The following RIT2 variants were observed in gnomAD, a reference collection of about 807,000 sequenced individuals.
The protein encoded by RIT2 is GTP-binding protein Rit2.
In RIT2, 24 loss-of-function variants were observed where a neutral mutation model predicts 23.7. The observed-to-expected ratio is 1.01, with a 90% CI of 0.73 to 1.43. The LOEUF (loss-of-function observed/expected upper bound fraction) is 1.43, where lower values mean the gene tolerates loss of function less well. Among genes scored for constraint, RIT2 ranks in the 40% most tolerant of loss-of-function variants. The probability of loss-of-function intolerance (pLI) is 0.00; values close to 1 mark genes in which losing one functional copy is unlikely to be tolerated. For missense variants in RIT2, 236 were observed against 266.9 expected (o/e 0.88, Z 0.81); for synonymous variants, 107 against 91.1 (o/e 1.17, Z -0.99).
chr18:42,748,236 C>T (rs569492619), intron 4 of RIT2, among the ~76,000 whole-genome samples: 25 of 151,114 alleles, frequency 1.7e-4, no homozygotes, highest in African/African-American at 3.9e-4. Flanking sequence ...GAAAGAAATC[C>T]GCAAGAAAAA....
chr18:42,920,761 C>G, intron 4 of RIT2: 1 of 1,591,854 alleles, frequency 6.3e-7, no homozygotes, highest in Non-Finnish European at 8.5e-7. Flanking sequence ...TCAGTGTAGG[C>G]TGATAAGGAA....
chr18:42,823,896 G>T (rs542466609), intron 4 of RIT2, among the ~76,000 whole-genome samples: 3 of 152,088 alleles, frequency 2.0e-5, no homozygotes, highest in Non-Finnish European at 2.9e-5. Context: ...CTGTTCAAGC[G>T]TGGGGAAGTT....
Position 43,033,844 on chromosome 18 carries a change from G to A in RIT2, c.127C>T (p.His43Tyr), listed in dbSNP as rs771120789. Reference sequence around the variant, plus strand: ...GGGTCATGATAATCAGGGAACTGATGACTAATAAACTGCATTGTCATTGCT... The same window carrying A: ...GGGTCATGATAATCAGGGAACTGATAACTAATAAACTGCATTGTCATTGCT... The part of the protein sequence containing the change: ...KSAMTMQFIS[H>Y]QFPDYHDPTI... The change falls in exon 2 of 5, where the codon CAT (histidine) becomes TAT (tyrosine). Residue 43 changes from histidine (H) to tyrosine (Y), a missense_variant. Coordinates refer to ENST00000326695, the MANE Select transcript of RIT2 (RefSeq NM_002930.4). The A allele has an allele frequency of 3.1e-6, 5 of 1,608,300 alleles. No homozygotes were observed. Among genetic ancestry groups the A allele is most frequent in the Non-Finnish European group, 4.3e-6 (5 of 1,175,944 alleles).
intron 1 of RIT2, among the ~76,000 whole-genome samples, chr18:43,044,636 C>T (rs1912204754): frequency 6.6e-6 from 1 of 152,124 alleles, no homozygotes; most frequent in Non-Finnish European, 1.5e-5. Flanking sequence ...GCTGGTATGT[C>T]TACCTTTCTA....
At chr18:43,090,851 A>T (rs983716233) in intron 1 of RIT2, among the ~76,000 whole-genome samples, 1 of 151,934 alleles carries the variant, frequency 6.6e-6, no homozygotes, top group Non-Finnish European at 1.5e-5. Context: ...GGAGGGGAAT[A>T]CCACCAGTGG....
intron 4 of RIT2, among the ~76,000 whole-genome samples, chr18:42,910,589 G>A (rs929167412): frequency 6.6e-6 from 1 of 152,060 alleles, no homozygotes; most frequent in African/African-American, 2.4e-5. Context: ...ACAGAAGAGT[G>A]GCAAAGCGGC....
Position 42,884,649 on chromosome 18 carries a change from C to G in RIT2, c.426+38923G>C, listed in dbSNP as rs138646958. 3.6e-3 allele frequency among the ~76,000 whole-genome samples: 545 copies of G among 152,260 alleles called. 4 individuals are homozygous for G. The highest frequency in any genetic ancestry group is 0.013 in the African/African-American group (535 of 41,548). On this transcript the variant is annotated intron_variant, in intron 4 of 4. Transcript: ENST00000326695. ...TTATTACATTACCTTGAACAATAAACTGGTAACTTGCTATTATCCATAGAT... is the reference window on the plus strand; with the variant it reads ...TTATTACATTACCTTGAACAATAAAGTGGTAACTTGCTATTATCCATAGAT...
At chr18:42,877,008 C>T (rs4890412) in intron 4 of RIT2, among the ~76,000 whole-genome samples, 16,179 of 151,696 alleles carry the variant, frequency 0.11, 984 homozygotes, top group Middle Eastern at 0.26. Context: ...AAGAATGGCA[C>T]GGAGAATTAG....
intron 4 of RIT2, among the ~76,000 whole-genome samples, chr18:42,870,685 G>A (rs1907598158): frequency 6.6e-6 from 1 of 152,092 alleles, no homozygotes; most frequent in Admixed American, 6.5e-5. Context: ...AATAGGGTAG[G>A]CCAAGAAGCA....
At chr18:42,780,321 A>G (rs1294593155) in intron 4 of RIT2, among the ~76,000 whole-genome samples, 1 of 151,998 alleles carries the variant, frequency 6.6e-6, no homozygotes, top group Admixed American at 6.6e-5. Context: ...TGAAAGAGTT[A>G]AGCTCTGCCT....
chr18:42,806,889 G>C (rs1598661821), intron 4 of RIT2, among the ~76,000 whole-genome samples: 1 of 152,196 alleles, frequency 6.6e-6, no homozygotes, highest in African/African-American at 2.4e-5. Context: ...GAAAATTCAG[G>C]AGAGTAAATT....
Position 43,033,882 on chromosome 18 carries a change from A to T in RIT2, c.104-15T>A. 1 of 1,568,102 alleles carries T rather than the reference A, an allele frequency of 6.4e-7. No homozygotes were observed. The highest frequency in any genetic ancestry group is 8.7e-7 in the Non-Finnish European group (1 of 1,143,000). On this transcript the variant is annotated splice_polypyrimidine_tract_variant and intron_variant, in intron 1 of 4. Transcript: ENST00000326695. ...CATTGTCATTGCTGAAAGAAAAAAA[A>T]CACATTTTGTTTAATAAAAATTCAC...
intron 1 of RIT2, among the ~76,000 whole-genome samples, chr18:43,048,354 T>C (rs963128795): frequency 1.3e-5 from 2 of 152,158 alleles, no homozygotes; most frequent in Admixed American, 6.6e-5. Flanking sequence ...TTGAAACCAA[T>C]AATTCAAAGA....
At chr18:43,023,913 C>T (rs1911652167) in intron 2 of RIT2, among the ~76,000 whole-genome samples, 2 of 151,900 alleles carry the variant, frequency 1.3e-5, no homozygotes, top group South Asian at 4.2e-4. Flanking sequence ...GATGTTAGCT[C>T]TTAGAGTATT....
intron 4 of RIT2, among the ~76,000 whole-genome samples, chr18:42,890,569 AAG>A (rs964900736): frequency 1.7e-4 from 26 of 150,438 alleles, no homozygotes; most frequent in South Asian, 2.1e-4. Context: ...AGGAGGGAAG[AAG>A]AGAGAGAGAG....
chr18:43,113,604 T>C (rs1914001582), intron 1 of RIT2, among the ~76,000 whole-genome samples: 1 of 152,118 alleles, frequency 6.6e-6, no homozygotes, highest in African/African-American at 2.4e-5. Flanking sequence ...AAATAGAAGA[T>C]AAAATATCAC....
At chr18:42,892,014 G>T (rs1358035775) in intron 4 of RIT2, among the ~76,000 whole-genome samples, 1 of 151,692 alleles carries the variant, frequency 6.6e-6, no homozygotes, top group African/African-American at 2.4e-5. Context: ...GGGAACTTCT[G>T]TATTTTCTTT....
At chr18:42,907,806 C>G (rs620802) in intron 4 of RIT2, among the ~76,000 whole-genome samples, 2,855 of 152,062 alleles carry the variant, frequency 0.019, 88 homozygotes, top group African/African-American at 0.064. Context: ...TGTAGTGAGA[C>G]CCTGTCTCTA....
intron 1 of RIT2, among the ~76,000 whole-genome samples, chr18:43,041,681 TA>T (rs1017275011): frequency 6.6e-6 from 1 of 152,158 alleles, no homozygotes; most frequent in African/African-American, 2.4e-5. Context: ...TTCATGCACA[TA>T]TTTTTATTTA....
Sources: allele counts gnomAD v4.1 joint callset (sites outside exome capture counted in the v4.1 genomes callset), GRCh38; gene constraint gnomAD v4.1.1; transcripts MANE v1.5; gene names NCBI Gene and HGNC (gene_info 2026-07-23, HGNC 2026-07-21).